The following APCDD1 variants were observed in gnomAD, a reference collection of about 807,000 sequenced individuals.
The protein encoded by APCDD1 is protein APCDD1.
Under a neutral mutation model 38.1 loss-of-function variants are expected in APCDD1, and 15 were observed. That is an observed-to-expected ratio of 0.39 (90% CI 0.26 to 0.61). The LOEUF is 0.61. APCDD1 is among the 20% of genes least tolerant of loss of function. APCDD1 has a pLI of 0.49. For missense variants in APCDD1, 647 were observed against 696.2 expected (o/e 0.93, Z 0.79); for synonymous variants, 261 against 279.7 (o/e 0.93, Z 0.67).
At position 10,470,330 on chromosome 18, in the gene APCDD1, T is replaced by A. The variant is rs1033973558; in HGVS notation, c.243-1200T>A. Among the ~76,000 whole-genome samples the A allele has an allele frequency of 2.0e-5, 3 of 152,220 alleles. No homozygotes were observed. Among genetic ancestry groups the A allele is most frequent in the Non-Finnish European group, 4.4e-5 (3 of 68,032 alleles). On this transcript the variant is annotated intron_variant, in intron 2 of 4. Coordinates refer to ENST00000355285, the MANE Select transcript of APCDD1 (RefSeq NM_153000.5). The surrounding 1 kb of genome is among the most constrained non-coding windows in gnomAD (Gnocchi z 4.1). ...TTCCTTGTGGGAGAAATCTGGGGTG[T>A]TTGCTCTCTCCTTTTTCTAAGATTA... is the stretch of plus-strand genomic sequence containing the variant.
chr18:10,458,936 C>G (rs1189328206), intron 1 of APCDD1, among the ~76,000 whole-genome samples: 1 of 152,164 alleles, frequency 6.6e-6, no homozygotes, highest in African/African-American at 2.4e-5. Context: ...GTACATAGGC[C>G]ATTGCTTAGT....
chr18:10,481,658 T>C (rs2031140779), intron 3 of APCDD1, among the ~76,000 whole-genome samples: 1 of 148,860 alleles, frequency 6.7e-6, no homozygotes, highest in Non-Finnish European at 1.5e-5. Context: ...AATTCTATGT[T>C]AGGTATTTTT....
At chr18:10,483,978 G>A (rs773356794) in intron 3 of APCDD1, among the ~76,000 whole-genome samples, 1 of 152,200 alleles carries the variant, frequency 6.6e-6, no homozygotes, top group Admixed American at 6.5e-5. Flanking sequence ...CGAGGCACTG[G>A]CACTGTGTTC....
At chr18:10,486,442 T>C (rs540933452) in intron 4 of APCDD1, among the ~76,000 whole-genome samples, 2 of 152,342 alleles carry the variant, frequency 1.3e-5, no homozygotes, top group South Asian at 2.1e-4. Flanking sequence ...CTAATAACAC[T>C]GCGTTTGCTT....
intron 1 of APCDD1, among the ~76,000 whole-genome samples, chr18:10,462,124 C>A (rs2030559029): frequency 6.6e-6 from 1 of 152,122 alleles, no homozygotes; most frequent in Non-Finnish European, 1.5e-5. Flanking sequence ...TTGTGATTAA[C>A]CAACACTTCC....
chr18:10,481,543 G>A (rs2031137346), intron 3 of APCDD1, among the ~76,000 whole-genome samples: 1 of 152,070 alleles, frequency 6.6e-6, no homozygotes, highest in African/African-American at 2.4e-5. Flanking sequence ...GAGAGAATGA[G>A]GCGTTAGTGT....
chr18:10,464,337 C>CACACACAT (rs1455602341), intron 1 of APCDD1, among the ~76,000 whole-genome samples: 171 of 150,508 alleles, frequency 1.1e-3, no homozygotes, highest in African/African-American at 4.1e-3. Context: ...CACACACACA[C>CACACACAT]ACACACAGAC....
At chr18:10,463,238 A>G (rs1458455996) in intron 1 of APCDD1, among the ~76,000 whole-genome samples, 1 of 152,060 alleles carries the variant, frequency 6.6e-6, no homozygotes, top group Non-Finnish European at 1.5e-5. Flanking sequence ...TCAAGGAAGA[A>G]TTCAGACCCT....
intron 1 of APCDD1, among the ~76,000 whole-genome samples, chr18:10,460,343 C>G (rs1284537127): frequency 3.3e-5 from 5 of 151,982 alleles, no homozygotes; most frequent in Non-Finnish European, 7.4e-5. Context: ...CTGGCCAACG[C>G]GGCGAAACCC....
rs944819853 is a variant in APCDD1 at position 10,470,412 on chromosome 18, G to A, written c.243-1118G>A. On this transcript the variant is annotated intron_variant, in intron 2 of 4. Transcript: ENST00000355285. The surrounding 1 kb of genome is among the most constrained non-coding windows in gnomAD (Gnocchi z 4.1). ...GTCCATAGGATGTTACTCGACATCA[G>A]TTGTCAAACGTTACATAGCAACGGT... is the stretch of plus-strand genomic sequence containing the variant. 2.0e-5 allele frequency among the ~76,000 whole-genome samples: 3 copies of A among 152,204 alleles called. No individual in the cohort carries two copies. The highest frequency in any genetic ancestry group is 2.9e-5 in the Non-Finnish European group (2 of 68,050).
chr18:10,470,572 C>T lies in APCDD1; in HGVS notation c.243-958C>T, dbSNP rs1166466902. Reference sequence around the variant, plus strand: ...TTAGCAGCGCTTCGTCAGTTCAAACCAGAATCTGTGTTAGCATCATAGATG... The same window carrying T: ...TTAGCAGCGCTTCGTCAGTTCAAACTAGAATCTGTGTTAGCATCATAGATG... On this transcript the variant is annotated intron_variant, in intron 2 of 4. Transcript: ENST00000355285. This position sits in a 1 kb window ranked among gnomAD's most constrained non-coding sequence, Gnocchi z 4.1. 6.6e-5 allele frequency among the ~76,000 whole-genome samples: 10 copies of T among 152,196 alleles called. No homozygotes were observed. The highest frequency in any genetic ancestry group is 6.5e-4 in the Admixed American group (10 of 15,272).
chr18:10,477,480 A>G (rs1416170781), intron 3 of APCDD1: 2 of 152,226 alleles, frequency 1.3e-5, no homozygotes, highest in African/African-American at 4.8e-5. Flanking sequence ...CTTCTATTGC[A>G]GAAACAGCTC....
At position 10,455,101 on chromosome 18, in the gene APCDD1, G is replaced by T. The variant is rs1324287067; in HGVS notation, c.58+62G>T. 4.5e-6 allele frequency: 7 copies of T among 1,541,966 alleles called. No homozygotes were observed. The Admixed American group carries it at 7.9e-5, about 17-fold the overall frequency. Reference sequence around the variant, plus strand: ...GCGGAGGCAGCCCGGGCGCCGCGGAGCCCGCGGAGGCGTCGGGTCTGGATC... The same window carrying T: ...GCGGAGGCAGCCCGGGCGCCGCGGATCCCGCGGAGGCGTCGGGTCTGGATC... On this transcript the variant is annotated intron_variant, in intron 1 of 4. Coordinates refer to ENST00000355285, the MANE Select transcript of APCDD1 (RefSeq NM_153000.5).
At position 10,472,764 on chromosome 18, in the gene APCDD1, CAATT is replaced by C. The variant is rs772242481; in HGVS notation, c.774+706_774+709del. The stretch of plus-strand genomic sequence containing the variant: ...AGAGGGGACTAAGGAGAGCAGGAAA[CAATT>C]AAACCTTATAATGTCTTTTCCTTGA... On this transcript the variant is annotated intron_variant, in intron 3 of 4. Transcript: ENST00000355285. The surrounding 1 kb of genome is among the most constrained non-coding windows in gnomAD (Gnocchi z 6.6). 6.6e-6 allele frequency among the ~76,000 whole-genome samples: 1 copy of C among 152,204 alleles called. No individual in the cohort carries two copies. The highest frequency in any genetic ancestry group is 1.5e-5 in the Non-Finnish European group (1 of 68,034).
intron 1 of APCDD1, among the ~76,000 whole-genome samples, chr18:10,461,518 C>T (rs2030540364): frequency 6.6e-6 from 1 of 152,192 alleles, no homozygotes; most frequent in Admixed American, 6.5e-5. Context: ...TGACTTTACA[C>T]ATTCTCAATC....
At chr18:10,477,854 A>T (rs2031041236) in intron 3 of APCDD1, 1 of 152,200 alleles carries the variant, frequency 6.6e-6, no homozygotes, top group African/African-American at 2.4e-5. Flanking sequence ...AACAAGTAAA[A>T]AGAAATAAAA....
Position 10,471,746 on chromosome 18 carries a change from C to G in APCDD1, c.459C>G (p.Ile153Met), listed in dbSNP as rs1478607837. Residue 153 changes from isoleucine to methionine, a missense_variant, in exon 3 of 5, where the codon ATC (isoleucine) becomes ATG (methionine). Transcript: ENST00000355285. This position sits in a 1 kb window ranked among gnomAD's most constrained non-coding sequence, Gnocchi z 5.5. ...ACCAGCTGCACAACGTCCAGGTGATCTGCCACACAGAGGCGGTGGCCGAGA... is the reference window on the plus strand; with the variant it reads ...ACCAGCTGCACAACGTCCAGGTGATGTGCCACACAGAGGCGGTGGCCGAGA... ...ADYQLHNVQV[I>M]CHTEAVAEKL... 6.2e-7 allele frequency: 1 copy of G among 1,614,036 alleles called. No individual in the cohort carries two copies. Among genetic ancestry groups the G allele is most frequent in the East Asian group, 2.2e-5 (1 of 44,880 alleles).
rs1413718762 is a variant in APCDD1 at position 10,469,873 on chromosome 18, A to C, written c.242+1221A>C. Among the ~76,000 whole-genome samples the C allele has an allele frequency of 1.3e-5, 2 of 152,220 alleles. No individual in the cohort carries two copies. Among genetic ancestry groups the C allele is most frequent in the Non-Finnish European group, 2.9e-5 (2 of 68,032 alleles). ...GCTGAGAACCCTGTGGCTGGGATGC[A>C]GTAAACCAGGGCAGACAGCCTCACA... On this transcript the variant is annotated intron_variant, in intron 2 of 4. Coordinates refer to ENST00000355285, the MANE Select transcript of APCDD1 (RefSeq NM_153000.5). This position sits in a 1 kb window ranked among gnomAD's most constrained non-coding sequence, Gnocchi z 5.5.
chr18:10,459,316 G>GCACACACA lies in APCDD1; in HGVS notation c.58+4294_58+4301dup, dbSNP rs56849201. 2.9e-3 allele frequency among the ~76,000 whole-genome samples: 438 copies of GCACACACA among 150,232 alleles called. 4 individuals are homozygous for GCACACACA. The highest frequency in any genetic ancestry group is 0.015 in the East Asian group (77 of 5,096). On this transcript the variant is annotated intron_variant, in intron 1 of 4. Coordinates refer to ENST00000355285, the MANE Select transcript of APCDD1 (RefSeq NM_153000.5). ...TCCCTGCTGGGAATCCCACAAGCGT[G>GCACACACA]CACACACACACACACACACACACAG...
Sources: allele counts gnomAD v4.1 joint callset (sites outside exome capture counted in the v4.1 genomes callset), GRCh38; gene constraint gnomAD v4.1.1; non-coding constraint Gnocchi (gnomAD v3.1); transcripts MANE v1.5; gene names NCBI Gene and HGNC (gene_info 2026-07-23, HGNC 2026-07-21).